ACSF2: variants seen among roughly 807,000 people sequenced by gnomAD.
The protein encoded by ACSF2 is medium-chain acyl-CoA ligase ACSF2, mitochondrial.
Under a neutral mutation model 79.3 loss-of-function variants are expected in ACSF2, and 52 were observed. The ratio of observed to expected loss-of-function variants is 0.66; its 90% CI spans 0.53 to 0.83. The LOEUF (loss-of-function observed/expected upper bound fraction) is 0.83. Among genes scored for constraint, ACSF2 ranks in the 40% least tolerant of loss-of-function variants. ACSF2 has a pLI of 0.00. For missense variants in ACSF2, 661 were observed against 803.3 expected (o/e 0.82, Z 2.14); for synonymous variants, 283 against 312.6 (o/e 0.91, Z 1.00).
chr17:50,462,858 C>T (rs1167544932), intron 6 of ACSF2: 1 of 579,818 alleles, frequency 1.7e-6, no homozygotes, highest in Non-Finnish European at 3.0e-6. Flanking sequence ...CTACAGGCTG[C>T]CCCTCATTTA....
In ACSF2 at chr17:50,464,318, C is replaced by T. The variant is rs2032541928; in HGVS notation, c.1215+24C>T. 2.5e-6 allele frequency: 4 copies of T among 1,612,456 alleles called. No homozygotes were observed. In the East Asian group the frequency reaches 8.9e-5, roughly 36 times the overall value. On this transcript the variant is annotated intron_variant, in intron 10 of 15. Coordinates refer to ENST00000300441, the MANE Select transcript of ACSF2 (RefSeq NM_025149.6). ...TGGTGAGTGGTGACTGCGGCCCGGGCTGTGGGCAGGCCAGGCCTGGGATGA... is the reference window on the plus strand; with the variant it reads ...TGGTGAGTGGTGACTGCGGCCCGGGTTGTGGGCAGGCCAGGCCTGGGATGA...
At chr17:50,468,760 C>CGGCAGCAGACCA in intron 10 of ACSF2, 1 of 1,593,274 alleles carries the variant, frequency 6.3e-7, no homozygotes, top group Non-Finnish European at 8.5e-7. Flanking sequence ...CGGCCAGCGC[C>CGGCAGCAGACCA]GGCAGCAGAC....
At chr17:50,461,096 G>T in intron 2 of ACSF2, 146 bp from the exon 3 acceptor site, 1 of 1,345,674 alleles carries the variant, frequency 7.4e-7, no homozygotes. Flanking sequence ...CAGGCCCCAG[G>T]GCAGACCCAC....
At position 50,473,767 on chromosome 17, in the gene ACSF2, G is replaced by T; in HGVS notation, c.1578G>T (p.Glu526Asp). ...AGAACATCTACCCCGCAGAGCTCGAGGACTTCTTTCACACACACCCGAAGG... is the reference window on the plus strand; with the variant it reads ...AGAACATCTACCCCGCAGAGCTCGATGACTTCTTTCACACACACCCGAAGG... ...GGENIYPAELEDFFHTHPKVQ... is the reference protein window; with the variant it reads ...GGENIYPAELDDFFHTHPKVQ... The change falls in exon 13 of 16, where the codon GAG (glutamate) becomes GAT (aspartate). Residue 526 changes from glutamate to aspartate, a missense_variant. Physicochemically the swap from Glu to Asp is conservative, Grantham distance 45 (BLOSUM62 2). Transcript: ENST00000300441. The T allele has an allele frequency of 6.2e-7, 1 of 1,614,226 alleles. No individual in the cohort carries two copies. Among genetic ancestry groups the T allele is most frequent in the Non-Finnish European group, 8.5e-7 (1 of 1,180,052 alleles).
chr17:50,466,086 T>G (rs1291342544), intron 10 of ACSF2, among the ~76,000 whole-genome samples: 2 of 150,356 alleles, frequency 1.3e-5, no homozygotes, highest in African/African-American at 2.5e-5. Flanking sequence ...TTTTTTTTTT[T>G]TTTCCTTTTT....
In ACSF2 at chr17:50,471,009, C is replaced by A; in HGVS notation, c.1216-19C>A. The stretch of plus-strand genomic sequence containing the variant: ...GCACGTGCTGAGCCCTCTTCAAACA[C>A]CCTTTCTGGACCCTCTAGGTTGCTT... On this transcript the variant is annotated intron_variant, in intron 10 of 15. Transcript: ENST00000300441. This position sits in a 1 kb window ranked among gnomAD's most constrained non-coding sequence, Gnocchi z 4.1. 6.2e-7 allele frequency: 1 copy of A among 1,602,880 alleles called. No homozygotes were observed.
At chr17:50,430,349 G>A (rs1198050131) in intron 1 of ACSF2, among the ~76,000 whole-genome samples, 1 of 152,192 alleles carries the variant, frequency 6.6e-6, no homozygotes, top group Non-Finnish European at 1.5e-5. Context: ...ATGATCTGAT[G>A]AGCAGCAGTT....
chr17:50,432,929 G>C (rs955450966), intron 1 of ACSF2, among the ~76,000 whole-genome samples: 1 of 152,150 alleles, frequency 6.6e-6, no homozygotes, highest in Non-Finnish European at 1.5e-5. Context: ...CAATAAGGCT[G>C]TGATTTGAAG....
intron 1 of ACSF2, among the ~76,000 whole-genome samples, chr17:50,430,964 A>G (rs1329221482): frequency 1.3e-5 from 2 of 152,240 alleles, no homozygotes; most frequent in Admixed American, 1.3e-4. Flanking sequence ...AACAGTTTAC[A>G]CACACATGGA....
intron 1 of ACSF2, among the ~76,000 whole-genome samples, chr17:50,434,589 G>A (rs907016901): frequency 2.6e-5 from 4 of 152,120 alleles, no homozygotes; most frequent in Non-Finnish European, 4.4e-5. Context: ...GGGAGGCTGA[G>A]GCAGGAGAAT....
intron 1 of ACSF2, chr17:50,427,011 T>A: frequency 6.5e-7 from 1 of 1,533,886 alleles, no homozygotes; most frequent in East Asian, 2.4e-5. Context: ...GTGTGACCAG[T>A]CCTTGGGAGG....
chr17:50,441,977 C>T (rs2030953175), intron 1 of ACSF2, among the ~76,000 whole-genome samples: 1 of 152,074 alleles, frequency 6.6e-6, no homozygotes, highest in African/African-American at 2.4e-5. Context: ...GTAGCTGGGA[C>T]ACAGACACAC....
Position 50,463,328 on chromosome 17 carries a change from C to G in ACSF2, c.889-67C>G, listed in dbSNP as rs2032468147. On this transcript the variant is annotated intron_variant, in intron 7 of 15. Transcript: ENST00000300441. This position sits in a 1 kb window ranked among gnomAD's most constrained non-coding sequence, Gnocchi z 4.6. ...GGGGTGGGGGGCTGGCTGGGCTCCC[C>G]TTGCCAGCTAGAGAGGAACTGGCGT... The G allele has an allele frequency of 1.2e-6, 2 of 1,610,174 alleles. No homozygotes were observed. Among genetic ancestry groups the G allele is most frequent in the Admixed American group, 3.3e-5 (2 of 59,826 alleles).
At chr17:50,467,933 G>A in intron 10 of ACSF2, 2 of 1,201,758 alleles carry the variant, frequency 1.7e-6, no homozygotes, top group Non-Finnish European at 2.3e-6. Flanking sequence ...ATAGCCAGAG[G>A]GACAGGGAAC....
At chr17:50,449,670 T>C (rs1046828703) in intron 1 of ACSF2, among the ~76,000 whole-genome samples, 2 of 152,024 alleles carry the variant, frequency 1.3e-5, no homozygotes, top group Non-Finnish European at 2.9e-5. Context: ...CGCCTCGGCC[T>C]CCCAAAGTGC....
Position 50,473,732 on chromosome 17 carries a change from C to T in ACSF2, c.1543C>T (p.Arg515Trp), listed in dbSNP as rs765996539. Residue 515 changes from arginine to tryptophan, a missense_variant, in exon 13 of 16, where the codon CGG becomes TGG. Arg to Trp is a moderately radical substitution (Grantham distance 101). Transcript: ENST00000300441. ...GGGCCGCTCTAAGGATATGATCATC[C>T]GGGGTGGTGAGAACATCTACCCCGC... ...IVGRSKDMIIRGGENIYPAEL... is the reference protein window; with the variant it reads ...IVGRSKDMIIWGGENIYPAEL... The T allele has an allele frequency of 8.7e-6, 14 of 1,614,078 alleles. No individual in the cohort carries two copies. The highest frequency in any genetic ancestry group is 2.2e-5 in the South Asian group (2 of 91,084).
intron 4 of ACSF2, 106 bp downstream of exon 4, chr17:50,461,792 G>C: frequency 2.2e-6 from 3 of 1,395,070 alleles, no homozygotes; most frequent in Non-Finnish European, 3.0e-6. Flanking sequence ...ATGCATAGGC[G>C]GGTGATACGC....
intron 1 of ACSF2, among the ~76,000 whole-genome samples, chr17:50,450,023 C>G (rs1598407064): frequency 6.6e-6 from 1 of 152,146 alleles, no homozygotes; most frequent in South Asian, 2.1e-4. Flanking sequence ...GATTGCTTCT[C>G]TAAGTGGAGG....
rs189919533 is a variant in ACSF2, at chr17:50,449,689, C to T, written c.129-10988C>T. 2.1e-3 allele frequency among the ~76,000 whole-genome samples: 313 copies of T among 152,200 alleles called. 3 individuals are homozygous for T. The highest frequency in any genetic ancestry group is 7.1e-3 in the African/African-American group (294 of 41,520). ...TCGGCCTCCCAAAGTGCTCGGATTA[C>T]AGGCGTGAGCCACCACTCCTGGCTA... On this transcript the variant is annotated intron_variant, in intron 1 of 15. Transcript: ENST00000300441.
Sources: allele counts gnomAD v4.1 joint callset (sites outside exome capture counted in the v4.1 genomes callset), GRCh38; gene constraint gnomAD v4.1.1; non-coding constraint Gnocchi (gnomAD v3.1); transcripts MANE v1.5; gene names NCBI Gene and HGNC (gene_info 2026-07-23, HGNC 2026-07-21).